Variants in NINL observed in about 807,000 individuals in gnomAD.
NINL encodes ninein-like protein.
A neutral mutation model predicts 160.3 loss-of-function variants in NINL; 153 were observed. The ratio of observed to expected loss-of-function variants is 0.95; its 90% CI spans 0.84 to 1.09. The LOEUF is 1.09. NINL is among the 50% of genes least tolerant of loss of function. The pLI, the probability that NINL is intolerant of heterozygous loss-of-function variation, is 0.00. For missense variants in NINL, 1,829 were observed against 1,764.0 expected (o/e 1.04, Z -0.66); for synonymous variants, 800 against 734.8 (o/e 1.09, Z -1.43).
intron 1 of NINL, among the ~76,000 whole-genome samples, chr20:25,569,579 G>C (rs1470108492): frequency 1.3e-5 from 2 of 152,324 alleles, no homozygotes; most frequent in Admixed American, 1.3e-4. Flanking sequence ...GCGATGAATG[G>C]AAGTGGGCAG....
chr20:25,582,721 T>C (rs1391954970), intron 1 of NINL, among the ~76,000 whole-genome samples: 2 of 152,198 alleles, frequency 1.3e-5, no homozygotes, highest in African/African-American at 4.8e-5. Context: ...ACATTTTCCT[T>C]TTAATATACA....
chr20:25,548,318 G>C (rs1352938703), intron 1 of NINL, among the ~76,000 whole-genome samples: 1 of 152,198 alleles, frequency 6.6e-6, no homozygotes, highest in East Asian at 1.9e-4. Flanking sequence ...CTTGGGCCCA[G>C]CACAATGCCT....
chr20:25,466,959 TG>T (rs2062929067), intron 19 of NINL, among the ~76,000 whole-genome samples: 1 of 152,140 alleles, frequency 6.6e-6, no homozygotes, highest in Non-Finnish European at 1.5e-5. Flanking sequence ...ACACAAAAGA[TG>T]GGCTGAGCAT....
chr20:25,582,453 G>A (rs74173681), intron 1 of NINL, among the ~76,000 whole-genome samples: 1 of 151,996 alleles, frequency 6.6e-6, no homozygotes, highest in Non-Finnish European at 1.5e-5. Flanking sequence ...GACCACCCTG[G>A]GCAAGACTCC....
At chr20:25,580,037 TAAG>T (rs3062972) in intron 1 of NINL, among the ~76,000 whole-genome samples, 115,804 of 151,830 alleles carry the variant, frequency 0.76, 46,018 homozygotes, top group East Asian at 0.93. Flanking sequence ...AATAAGGTTA[TAAG>T]AAGATGTGTG....
intron 17 of NINL, among the ~76,000 whole-genome samples, chr20:25,470,676 T>A (rs555565316): frequency 1.5e-3 from 224 of 152,272 alleles, no homozygotes; most frequent in African/African-American, 5.3e-3. Context: ...ATTTGATAGA[T>A]GAAGATGGCA....
At chr20:25,540,586 T>TA (rs1444141307) in intron 1 of NINL, among the ~76,000 whole-genome samples, 2 of 152,192 alleles carry the variant, frequency 1.3e-5, no homozygotes, top group Admixed American at 1.3e-4. Flanking sequence ...AGAGTGTCCG[T>TA]AACGGGAAGC....
At chr20:25,540,116 T>C in intron 1 of NINL, 4 of 1,130,598 alleles carry the variant, frequency 3.5e-6, no homozygotes, top group African/African-American at 1.6e-5. Context: ...TGTTTGCATG[T>C]CAAAATCACC....
At position 25,482,182 on chromosome 20, in the gene NINL, G is replaced by A. The variant is rs962112786; in HGVS notation, c.1678-82C>T. 8.7e-6 allele frequency: 13 copies of A among 1,498,534 alleles called. No homozygotes were observed. In the Admixed American group the frequency reaches 2.5e-4, roughly 29 times the overall value. The allele number at this position is 1,498,534 out of a possible 1,614,324, so 92.8% of individuals were successfully genotyped here. A position where few individuals can be genotyped will look rare whatever the true frequency, so the allele number is the denominator to read the frequency against. ...GCTGGCCGAGCTGGCCTCCAGGGGG[G>A]TCCCTTGCAGGTGAGGTGCACTGTG... On this transcript the variant is annotated intron_variant, in intron 13 of 23. Transcript: ENST00000278886.
chr20:25,560,329 G>C (rs2064919894), intron 1 of NINL, among the ~76,000 whole-genome samples: 1 of 152,176 alleles, frequency 6.6e-6, no homozygotes, highest in African/African-American at 2.4e-5. Flanking sequence ...CAGAGAGCAA[G>C]GTTATAATGA....
chr20:25,532,196 C>G (rs1260701904), intron 1 of NINL, among the ~76,000 whole-genome samples: 2 of 152,250 alleles, frequency 1.3e-5, no homozygotes, highest in African/African-American at 2.4e-5. Context: ...CTCACAGCAG[C>G]TGGGCCTACC....
chr20:25,526,682 C>G, intron 1 of NINL, 84 bp from the exon 2 acceptor site: 2 of 1,402,826 alleles, frequency 1.4e-6, no homozygotes, highest in South Asian at 1.3e-5. Flanking sequence ...GAGCACCGAG[C>G]TACATGGTCC....
chr20:25,552,891 C>T (rs1458222808), intron 1 of NINL, among the ~76,000 whole-genome samples: 1 of 152,198 alleles, frequency 6.6e-6, no homozygotes, highest in Non-Finnish European at 1.5e-5. Flanking sequence ...GTTACTCAGG[C>T]CTTCCTGGAG....
chr20:25,577,662 C>T (rs6083886), intron 1 of NINL, among the ~76,000 whole-genome samples: 127,982 of 152,124 alleles, frequency 0.84, 56,130 homozygotes, highest in Non-Finnish European at 0.96. Context: ...TGACACCACC[C>T]ATGACTCTAA....
chr20:25,529,412 G>A (rs980708754), intron 1 of NINL, among the ~76,000 whole-genome samples: 2 of 152,160 alleles, frequency 1.3e-5, no homozygotes, highest in Non-Finnish European at 2.9e-5. Context: ...GAACAAACCG[G>A]TTCATAGTCT....
chr20:25,467,091 T>A (rs1407216343), intron 19 of NINL, among the ~76,000 whole-genome samples: 1 of 152,182 alleles, frequency 6.6e-6, no homozygotes, highest in Non-Finnish European at 1.5e-5. Flanking sequence ...GAGAAGCTGC[T>A]CACAGTTTCT....
At chr20:25,496,909 C>T in intron 9 of NINL, 106 bp from the exon 10 acceptor site, 1 of 1,448,248 alleles carries the variant, frequency 6.9e-7, no homozygotes, top group African/African-American at 1.4e-5. Context: ...GAAACTAGCA[C>T]ACCAACTATA....
At chr20:25,494,440 A>G (rs2063707409) in intron 10 of NINL, among the ~76,000 whole-genome samples, 1 of 151,328 alleles carries the variant, frequency 6.6e-6, no homozygotes, top group Admixed American at 6.6e-5. Context: ...CTGAGGTCCC[A>G]TGAACGCTCA....
chr20:25,503,428 A>G (rs1358117249), intron 7 of NINL, among the ~76,000 whole-genome samples: 3 of 96,024 alleles, frequency 3.1e-5, no homozygotes, highest in Non-Finnish European at 6.2e-5. Flanking sequence ...GCCTCCTGTA[A>G]CCCCAGGAGG....
Sources: allele counts gnomAD v4.1 joint callset (sites outside exome capture counted in the v4.1 genomes callset), GRCh38; gene constraint gnomAD v4.1.1; transcripts MANE v1.5; gene names NCBI Gene and HGNC (gene_info 2026-07-23, HGNC 2026-07-21).